CDH22: variants seen among roughly 807,000 people sequenced by gnomAD.
CDH22 encodes the protein cadherin 22.
A neutral mutation model predicts 58.4 loss-of-function variants in CDH22; 30 were observed. The ratio of observed to expected loss-of-function variants is 0.51; its 90% confidence interval spans 0.38 to 0.70. CDH22 has a LOEUF of 0.70. Ranked by LOEUF, CDH22 falls within the 30% of genes least tolerant of loss-of-function variation. The pLI, the probability that CDH22 is intolerant of heterozygous loss-of-function variation, is 0.00. For synonymous variants in CDH22, 513 were observed against 558.2 expected (o/e 0.92, Z 1.14); for missense variants, 1,014 against 1,233.9 (o/e 0.82, Z 2.67).
intron 1 of CDH22, among the ~76,000 whole-genome samples, chr20:46,293,453 T>C (rs2086614038): frequency 6.6e-6 from 1 of 151,968 alleles, no homozygotes; most frequent in Non-Finnish European, 1.5e-5. Flanking sequence ...ATGTTTTTCA[T>C]GTTTATGTTT....
intron 7 of CDH22, among the ~76,000 whole-genome samples, chr20:46,204,764 C>G (rs1320704710): frequency 3.9e-5 from 6 of 152,136 alleles, no homozygotes; most frequent in Non-Finnish European, 7.4e-5. Flanking sequence ...TCTGTGTTAG[C>G]AACAGCACAA....
intron 11 of CDH22, among the ~76,000 whole-genome samples, chr20:46,175,709 C>T (rs1271698490): frequency 6.6e-6 from 1 of 152,224 alleles, no homozygotes; most frequent in African/African-American, 2.4e-5. Context: ...CAACATCCTC[C>T]TGGGAGCTTG....
At position 46,181,716 on chromosome 20, in the gene CDH22, T is replaced by TTTCC. The variant is rs768698552; in HGVS notation, c.1664-3523_1664-3520dup. 4.9e-3 allele frequency among the ~76,000 whole-genome samples: 216 copies of TTTCC among 44,310 alleles called. 9 individuals carry two copies. The highest frequency in any genetic ancestry group is 0.011 in the African/African-American group (109 of 9,586). The allele number at this position is 44,310 out of a possible 152,430, so 29.1% of individuals were successfully genotyped here. On this transcript the variant is annotated intron_variant, in intron 10 of 11. Transcript: ENST00000537909. Reference sequence around the variant, plus strand: ...TCTTTTCTTTTCTTTTCTTTCTTTTTTTCCTTCCTTCCTTCCTTCCTTCCT... The same window carrying TTTCC: ...TCTTTTCTTTTCTTTTCTTTCTTTTTTTCCTTCCTTCCTTCCTTCCTTCCTTCCT...
At chr20:46,294,484 TG>T (rs1456174361) in intron 1 of CDH22, among the ~76,000 whole-genome samples, 1 of 152,204 alleles carries the variant, frequency 6.6e-6, no homozygotes, top group Non-Finnish European at 1.5e-5. Context: ...CTGTCCTAGC[TG>T]GGGTGTGAGA....
At chr20:46,264,552 C>G (rs1456135179) in intron 1 of CDH22, among the ~76,000 whole-genome samples, 2 of 152,116 alleles carry the variant, frequency 1.3e-5, no homozygotes, top group South Asian at 2.1e-4. Context: ...GAATCAGGAA[C>G]AGTGGCTCAG....
chr20:46,178,644 C>T (rs1200513811), intron 10 of CDH22, among the ~76,000 whole-genome samples: 1 of 120,100 alleles, frequency 8.3e-6, no homozygotes, highest in Non-Finnish European at 1.6e-5. Context: ...GCTCTAGATT[C>T]CACCCCAGCT....
chr20:46,303,691 G>A (rs1830131566), intron 1 of CDH22, among the ~76,000 whole-genome samples: 1 of 152,140 alleles, frequency 6.6e-6, no homozygotes, highest in South Asian at 2.1e-4. Context: ...TTGTTCAGGT[G>A]GAAGGGCAGG....
chr20:46,214,905 T>G (rs2086072508), intron 5 of CDH22, among the ~76,000 whole-genome samples: 1 of 152,256 alleles, frequency 6.6e-6, no homozygotes, highest in Non-Finnish European at 1.5e-5. Flanking sequence ...TCATCAGGCA[T>G]TCCCAGTGCC....
At chr20:46,283,831 T>G (rs1212181369) in intron 1 of CDH22, among the ~76,000 whole-genome samples, 1 of 151,712 alleles carries the variant, frequency 6.6e-6, no homozygotes, top group African/African-American at 2.4e-5. Context: ...CACACACATA[T>G]GCACACACAC....
chr20:46,213,226 C>A (rs2086057735), intron 5 of CDH22, 38 bp from the exon 6 acceptor site: 2 of 1,575,978 alleles, frequency 1.3e-6, no homozygotes, highest in Non-Finnish European at 1.7e-6. Flanking sequence ...ATGAAGGCAG[C>A]CCCTTCCCCA....
At chr20:46,195,836 T>G (rs116832275) in intron 8 of CDH22, among the ~76,000 whole-genome samples, 2,640 of 151,576 alleles carry the variant, frequency 0.017, 85 homozygotes, top group African/African-American at 0.062. Context: ...GGCTCGGGAG[T>G]CTTTGAGGTA....
chr20:46,210,256 G>T lies in CDH22; in HGVS notation c.1286+51C>A, dbSNP rs2086031219. The T allele has an allele frequency of 7.3e-7, 1 of 1,363,522 alleles. No homozygotes were observed. Among genetic ancestry groups the T allele is most frequent in the Non-Finnish European group, 9.4e-7 (1 of 1,062,900 alleles). The allele number at this position is 1,363,522 out of a possible 1,614,324, so 84.5% of individuals were successfully genotyped here. On this transcript the variant is annotated intron_variant, in intron 7 of 11. Coordinates refer to ENST00000537909, the MANE Select transcript of CDH22 (RefSeq NM_021248.3). The surrounding 1 kb of genome is among the most constrained non-coding windows in gnomAD (Gnocchi z 4.5). ...CTCTGCCCGCAGTCTGTCCGCGGGGGTGATGGCGGGATAGCAGGCAGCAGG... is the reference window on the plus strand; with the variant it reads ...CTCTGCCCGCAGTCTGTCCGCGGGGTTGATGGCGGGATAGCAGGCAGCAGG...
At chr20:46,181,497 T>C (rs1033732816) in intron 10 of CDH22, among the ~76,000 whole-genome samples, 2 of 151,990 alleles carry the variant, frequency 1.3e-5, no homozygotes, top group Admixed American at 1.3e-4. Context: ...ATAGCTACAA[T>C]GAGTCAAGAC....
chr20:46,187,804 T>C (rs1299649467), intron 8 of CDH22, among the ~76,000 whole-genome samples: 1 of 152,066 alleles, frequency 6.6e-6, no homozygotes, highest in Non-Finnish European at 1.5e-5. Flanking sequence ...AGCATCTACA[T>C]TCATTATTTT....
intron 1 of CDH22, among the ~76,000 whole-genome samples, chr20:46,290,608 G>T (rs2086596917): frequency 6.6e-6 from 1 of 152,184 alleles, no homozygotes; most frequent in African/African-American, 2.4e-5. Context: ...AGTCAGGTGT[G>T]GGCACCCTTG....
At chr20:46,267,758 C>G (rs2086467966) in intron 1 of CDH22, among the ~76,000 whole-genome samples, 1 of 152,262 alleles carries the variant, frequency 6.6e-6, no homozygotes, top group Admixed American at 6.5e-5. Flanking sequence ...TGCCAGTATC[C>G]TACTCCAATG....
intron 8 of CDH22, among the ~76,000 whole-genome samples, chr20:46,187,595 C>T (rs1213978361): frequency 6.6e-6 from 1 of 152,022 alleles, no homozygotes; most frequent in African/African-American, 2.4e-5. Flanking sequence ...AACCCCATCA[C>T]CATCACCAAT....
chr20:46,180,820 G>T (rs2085778849), intron 10 of CDH22, among the ~76,000 whole-genome samples: 1 of 151,856 alleles, frequency 6.6e-6, no homozygotes, highest in Non-Finnish European at 1.5e-5. Context: ...TGTGACCTCG[G>T]TCTCCCAGGC....
rs146769136 is a variant in CDH22, at chr20:46,197,520, G to A, written c.1423+1903C>T. ...ACTGGGCCGGTGATAGGCTGGTGGCGGAGGGGCGTGTATCTGTGAGTAGGG... is the reference window on the plus strand; with the variant it reads ...ACTGGGCCGGTGATAGGCTGGTGGCAGAGGGGCGTGTATCTGTGAGTAGGG... On this transcript the variant is annotated intron_variant, in intron 8 of 11. Transcript: ENST00000537909. Among the ~76,000 whole-genome samples, 420 of 152,194 alleles carry A rather than the reference G, an allele frequency of 2.8e-3. 1 individual carries two copies. The highest frequency in any genetic ancestry group is 9.6e-3 in the African/African-American group (399 of 41,524).
Sources: allele counts gnomAD v4.1 joint callset (sites outside exome capture counted in the v4.1 genomes callset), GRCh38; gene constraint gnomAD v4.1.1; non-coding constraint Gnocchi (gnomAD v3.1); transcripts MANE v1.5; gene names NCBI Gene and HGNC (gene_info 2026-07-23, HGNC 2026-07-21).